PLCH1: variants seen among roughly 807,000 people sequenced by gnomAD.
PLCH1 encodes phospholipase C eta 1.
A neutral mutation model predicts 126.7 loss-of-function variants in PLCH1; 60 were observed. That is an observed-to-expected ratio of 0.47 (90% CI 0.38 to 0.59). The LOEUF (loss-of-function observed/expected upper bound fraction) is 0.59. PLCH1 is among the 20% of genes least tolerant of loss of function. The pLI is 0.00. For missense variants in PLCH1, 1,723 were observed against 2,040.0 expected, an observed-to-expected ratio of 0.84 and a Z score of 2.99; for synonymous variants, 719 against 734.9, an observed-to-expected ratio of 0.98 and a Z score of 0.35.
At chr3:155,680,515 C>T (rs1248444139) in intron 2 of PLCH1, among the ~76,000 whole-genome samples, 1 of 152,156 alleles carries the variant, frequency 6.6e-6, no homozygotes, top group Non-Finnish European at 1.5e-5. Context: ...CAGTCACACC[C>T]AGCTACCACT....
chr3:155,522,724 T>C (rs1201565645), intron 11 of PLCH1, among the ~76,000 whole-genome samples: 95 of 151,984 alleles, frequency 6.3e-4, no homozygotes, highest in African/African-American at 2.1e-3. Context: ...TTTTTTTTTT[T>C]TTTTAGAGGG....
intron 2 of PLCH1, among the ~76,000 whole-genome samples, chr3:155,631,168 T>C (rs185279627): frequency 1.5e-3 from 227 of 152,322 alleles, no homozygotes; most frequent in Non-Finnish European, 2.6e-3. Flanking sequence ...AAATTCTCGG[T>C]ATTTTGGTAA....
chr3:155,686,987 G>T (rs1234293574), intron 2 of PLCH1, among the ~76,000 whole-genome samples: 2 of 152,120 alleles, frequency 1.3e-5, no homozygotes, highest in African/African-American at 4.8e-5. Flanking sequence ...AAAATAATCT[G>T]TACACATAAG....
chr3:155,613,035 A>C (rs146911892), intron 2 of PLCH1, among the ~76,000 whole-genome samples: 3 of 152,294 alleles, frequency 2.0e-5, no homozygotes, highest in Admixed American at 2.0e-4. Context: ...AACACACACA[A>C]GCTAGAAAAC....
chr3:155,637,038 C>T (rs1738804830), intron 2 of PLCH1, among the ~76,000 whole-genome samples: 1 of 152,072 alleles, frequency 6.6e-6, no homozygotes. Flanking sequence ...GGAACAACAA[C>T]AAAACAGTCA....
intron 1 of PLCH1, among the ~76,000 whole-genome samples, chr3:155,723,129 T>C (rs1748073053): frequency 1.3e-5 from 2 of 152,202 alleles, no homozygotes; most frequent in African/African-American, 4.8e-5. Flanking sequence ...ATAGTAGCCT[T>C]GAATGATCTT....
In PLCH1 at chr3:155,482,328, C is replaced by A; in HGVS notation, c.3698G>T (p.Gly1233Val). Residue 1233 changes from glycine to valine, a missense_variant, in exon 23 of 23, where the codon GGT becomes GTT. Gly to Val is a moderately radical substitution (Grantham distance 109). Transcript: ENST00000460012. ...AGACTTGGATTTTCCCTTGCAAAAACCATGCTTGATGGGCATTTTTAGGCC... is the reference window on the plus strand; with the variant it reads ...AGACTTGGATTTTCCCTTGCAAAAAACATGCTTGATGGGCATTTTTAGGCC... ...SLGLKMPIKH[G>V]FCKGKSKSSF... is the part of the protein sequence containing the mutation. 1 of 1,614,192 alleles carries A rather than the reference C, an allele frequency of 6.2e-7. No individual in the cohort carries two copies. The highest frequency in any genetic ancestry group is 8.5e-7 in the Non-Finnish European group (1 of 1,180,040).
At chr3:155,722,586 T>G (rs563699137) in intron 1 of PLCH1, among the ~76,000 whole-genome samples, 1 of 152,340 alleles carries the variant, frequency 6.6e-6, no homozygotes, top group South Asian at 2.1e-4. Flanking sequence ...AATCATGTGA[T>G]TTTTGTTTTT....
chr3:155,569,805 G>A (rs1428591067), intron 6 of PLCH1, among the ~76,000 whole-genome samples: 1 of 152,098 alleles, frequency 6.6e-6, no homozygotes, highest in East Asian at 1.9e-4. Context: ...GTCTTAAACT[G>A]GACTCAGGTA....
At chr3:155,701,120 A>G (rs748838442) in intron 2 of PLCH1, among the ~76,000 whole-genome samples, 5 of 152,174 alleles carry the variant, frequency 3.3e-5, no homozygotes, top group Non-Finnish European at 7.4e-5. Flanking sequence ...CTATTTCCCA[A>G]CCTTTCCAGA....
intron 2 of PLCH1, among the ~76,000 whole-genome samples, chr3:155,654,874 C>CT (rs1374797423): frequency 6.6e-6 from 1 of 152,218 alleles, no homozygotes; most frequent in Non-Finnish European, 1.5e-5. Flanking sequence ...AGGAAAAACT[C>CT]TAAATCCCAT....
chr3:155,484,615 C>T (rs993184076), intron 22 of PLCH1, among the ~76,000 whole-genome samples: 5 of 152,150 alleles, frequency 3.3e-5, no homozygotes, highest in African/African-American at 1.2e-4. Flanking sequence ...ACAGTTTTGG[C>T]GCTTAAATTT....
chr3:155,534,905 A>G (rs1723151650), intron 10 of PLCH1, among the ~76,000 whole-genome samples: 1 of 152,168 alleles, frequency 6.6e-6, no homozygotes, highest in Non-Finnish European at 1.5e-5. Context: ...TGTAAGTTTC[A>G]TGAGGCTTCC....
At chr3:155,464,507 T>C (rs1395877015) in intron 21 of PLCH1, among the ~76,000 whole-genome samples, 1 of 152,088 alleles carries the variant, frequency 6.6e-6, no homozygotes, top group Non-Finnish European at 1.5e-5. Context: ...TGAGAAAACT[T>C]TGAAATTTTA....
Position 155,497,407 on chromosome 3 carries a change from G to A in PLCH1, c.1807C>T (p.Arg603Ter). Residue 603 changes from arginine (R) to a stop codon, truncating the protein, a stop_gained, in exon 15 of 23, where the codon CGA (arginine) becomes TGA (stop). Transcript: ENST00000460012. LOFTEE classifies it high-confidence loss of function. ...EGGQLYRLGR[R>*]RKTMKLCREL... ...CGGCAGAGCTTCATGGTTTTCCTTC[G>A]GCGACCCAATCTGTGAAGTACCCAC... 5.0e-6 allele frequency: 8 copies of A among 1,613,098 alleles called. No homozygotes were observed. The highest frequency in any genetic ancestry group is 2.2e-5 in the East Asian group (1 of 44,854).
At chr3:155,475,543 A>G (rs1474347757), downstream of PLCH1, among the ~76,000 whole-genome samples, 2 of 152,146 alleles carry the variant, frequency 1.3e-5, no homozygotes, top group Admixed American at 6.5e-5. Context: ...AGTGTTTTCT[A>G]ATGTAAACAA....
At position 155,481,308 on chromosome 3, in the gene PLCH1, C is replaced by G; in HGVS notation, c.4718G>C (p.Arg1573Thr). The G allele has an allele frequency of 6.2e-7, 1 of 1,614,284 alleles. No individual in the cohort carries two copies. The highest frequency in any genetic ancestry group is 8.5e-7 in the Non-Finnish European group (1 of 1,180,056). The change falls in exon 23 of 23, where the codon AGA (arginine) becomes ACA (threonine). Residue 1573 changes from arginine to threonine, a missense_variant. By Grantham distance (71) the Arg-to-Thr change is moderately conservative. Transcript: ENST00000460012. The surrounding 1 kb of genome is among the most constrained non-coding windows in gnomAD (Gnocchi z 4.2). Reference sequence around the variant, plus strand: ...AATATTGCGCACTCTGCTCTGACTTCTGGATGACAACTTCCTGACCAGTGC... The same window carrying G: ...AATATTGCGCACTCTGCTCTGACTTGTGGATGACAACTTCCTGACCAGTGC... ...PRALVRKLSS[R>T]SQSRVRNIAS...
chr3:155,512,970 C>T (rs1719793625), intron 12 of PLCH1, among the ~76,000 whole-genome samples: 1 of 152,170 alleles, frequency 6.6e-6, no homozygotes, highest in Non-Finnish European at 1.5e-5. Context: ...TCTTAAGAAC[C>T]ATTTCCTGTG....
chr3:155,619,527 G>T (rs1003316054), intron 2 of PLCH1, among the ~76,000 whole-genome samples: 23 of 146,958 alleles, frequency 1.6e-4, no homozygotes, highest in East Asian at 4.0e-4. Context: ...GAAAAAGAAA[G>T]CAAATTGATT....
Sources: allele counts gnomAD v4.1 joint callset (sites outside exome capture counted in the v4.1 genomes callset), GRCh38; gene constraint gnomAD v4.1.1; non-coding constraint Gnocchi (gnomAD v3.1); transcripts MANE v1.5; gene names NCBI Gene and HGNC (gene_info 2026-07-23, HGNC 2026-07-21).